Variants in SHISA9 observed in about 807,000 individuals in gnomAD.
SHISA9 encodes shisa family member 9, also known as protein shisa-9.
In SHISA9, 13 loss-of-function variants were observed where a neutral mutation model predicts 38.0. The ratio of observed to expected loss-of-function variants is 0.34; its 90% confidence interval spans 0.22 to 0.54. The LOEUF is 0.54. Among genes scored for constraint, SHISA9 ranks in the 20% least tolerant of loss-of-function variants. The pLI, the probability that SHISA9 is intolerant of heterozygous loss-of-function variation, is 0.91. For missense variants in SHISA9, 538 were observed against 575.8 expected (o/e 0.93, Z 0.67); for synonymous variants, 275 against 242.0 (o/e 1.14, Z -1.27).
the SHISA9 span, among the ~76,000 whole-genome samples, chr16:13,264,415 C>T: frequency 1.6e-4 from 24 of 152,176 alleles, no homozygotes; most frequent in African/African-American, 5.5e-4. Context: ...TCAAGTGATT[C>T]GCCCCCCTCG....
chr16:12,938,682 T>TA (rs1250594979), intron 2 of SHISA9, among the ~76,000 whole-genome samples: 1 of 152,034 alleles, frequency 6.6e-6, no homozygotes, highest in African/African-American at 2.4e-5. Context: ...TTTGTATTTT[T>TA]AGTAGAGAGG....
the SHISA9 span, among the ~76,000 whole-genome samples, chr16:13,540,447 G>C: frequency 2.0e-5 from 3 of 152,102 alleles, no homozygotes; most frequent in African/African-American, 7.2e-5. Flanking sequence ...CCCATCACAG[G>C]GATAGCTCCG....
At chr16:13,387,261 G>C in the SHISA9 span, among the ~76,000 whole-genome samples, 1 of 152,234 alleles carries the variant, frequency 6.6e-6, no homozygotes, top group Non-Finnish European at 1.5e-5. Context: ...AAATAGAATT[G>C]TTGTAAACAG....
At chr16:13,191,419 T>C (rs904320059) in intron 2 of SHISA9, among the ~76,000 whole-genome samples, 1 of 152,236 alleles carries the variant, frequency 6.6e-6, no homozygotes, top group East Asian at 1.9e-4. Context: ...TTATGTTGTC[T>C]TGGCTTTCTA....
At chr16:13,125,180 A>G (rs1441549499) in intron 2 of SHISA9, among the ~76,000 whole-genome samples, 2 of 152,230 alleles carry the variant, frequency 1.3e-5, no homozygotes, top group African/African-American at 4.8e-5. Context: ...TGAAGAGACC[A>G]CCCAGAGAAT....
At chr16:13,416,370 C>T in the SHISA9 span, among the ~76,000 whole-genome samples, 260 of 152,288 alleles carry the variant, frequency 1.7e-3, no homozygotes, top group African/African-American at 5.9e-3. Context: ...TATCTTACCC[C>T]TGACCATATA....
chr16:13,318,628 C>T, the SHISA9 span, among the ~76,000 whole-genome samples: 6 of 152,230 alleles, frequency 3.9e-5, no homozygotes, highest in African/African-American at 1.2e-4. Context: ...GCCCTCCAGA[C>T]GTTTCTAAAT....
At chr16:13,087,957 C>T (rs920519986) in intron 2 of SHISA9, among the ~76,000 whole-genome samples, 8 of 152,122 alleles carry the variant, frequency 5.3e-5, no homozygotes, top group African/African-American at 1.9e-4. Flanking sequence ...GGTTTTAGGT[C>T]TAACATTTAA....
chr16:12,916,755 A>T lies in SHISA9; in HGVS notation c.631A>T (p.Ile211Phe), dbSNP rs2071263958. ...TGATCACATGGAGAGAGACCTAAAC[A>T]TCGTTGTCCACGTCCAGCATTATGA... ...NTDHMERDLN[I>F]VVHVQHYENM... The change falls in exon 2 of 5, where the codon ATC becomes TTC. Residue 211 changes from isoleucine (I) to phenylalanine (F), a missense_variant. This residue lies in a region of SHISA9 where 326 missense variants were observed against 305.9 expected (regional missense o/e 1.07). Coordinates refer to ENST00000558583, the MANE Select transcript of SHISA9 (RefSeq NM_001145204.3). 6.4e-7 allele frequency: 1 copy of T among 1,552,128 alleles called. No individual in the cohort carries two copies. The highest frequency in any genetic ancestry group is 8.7e-7 in the Non-Finnish European group (1 of 1,147,084).
the SHISA9 span, among the ~76,000 whole-genome samples, chr16:13,507,291 G>A: frequency 6.6e-6 from 1 of 152,068 alleles, no homozygotes; most frequent in African/African-American, 2.4e-5. Context: ...CCCAAATGGC[G>A]AGGAACAGAG....
At chr16:12,962,872 G>A (rs1420891896) in intron 2 of SHISA9, among the ~76,000 whole-genome samples, 1 of 152,192 alleles carries the variant, frequency 6.6e-6, no homozygotes, top group Non-Finnish European at 1.5e-5. Flanking sequence ...AGGGGTAGCT[G>A]TGTGACCACT....
the SHISA9 span, among the ~76,000 whole-genome samples, chr16:13,310,873 G>C: frequency 6.6e-6 from 1 of 151,760 alleles, no homozygotes; most frequent in Non-Finnish European, 1.5e-5. Flanking sequence ...TAGTAGAGAC[G>C]GGGTTTCATC....
intron 2 of SHISA9, among the ~76,000 whole-genome samples, chr16:13,125,321 CACTGATTTTTCTGATGGCAACTTCCCT>C (rs1348725791): frequency 6.6e-6 from 1 of 152,022 alleles, no homozygotes; most frequent in Non-Finnish European, 1.5e-5. Flanking sequence ...GAATAGACAC[CACTGATTTTTCTGATGGCAACTTCCCT>C]AATGGGATGA....
chr16:13,267,614 A>G, the SHISA9 span, among the ~76,000 whole-genome samples: 1 of 152,194 alleles, frequency 6.6e-6, no homozygotes, highest in East Asian at 1.9e-4. Context: ...TATAATGTTG[A>G]AAAGGAGGAT....
chr16:13,286,955 G>T, the SHISA9 span, among the ~76,000 whole-genome samples: 1 of 152,072 alleles, frequency 6.6e-6, no homozygotes, highest in African/African-American at 2.4e-5. Flanking sequence ...CCAGGCAAAT[G>T]GAGTGTGGGT....
chr16:12,909,404 G>C, intron 1 of SHISA9: 1 of 985,456 alleles, frequency 1.0e-6, no homozygotes, highest in Non-Finnish European at 1.2e-6. Flanking sequence ...CTCTATTCAA[G>C]TGTTTAAAAG....
the SHISA9 span, among the ~76,000 whole-genome samples, chr16:13,534,997 C>A: frequency 2.6e-5 from 4 of 152,164 alleles, no homozygotes; most frequent in African/African-American, 9.7e-5. Flanking sequence ...GTAATCCCAG[C>A]ACCTTCAGAG....
chr16:13,106,322 A>C (rs143850425), intron 2 of SHISA9, among the ~76,000 whole-genome samples: 1 of 152,162 alleles, frequency 6.6e-6, no homozygotes, highest in Non-Finnish European at 1.5e-5. Context: ...CCTGATGTAC[A>C]GTAGCAAATT....
chr16:13,293,230 C>T, the SHISA9 span, among the ~76,000 whole-genome samples: 2 of 152,170 alleles, frequency 1.3e-5, no homozygotes, highest in Non-Finnish European at 2.9e-5. Flanking sequence ...ATCTGACCCA[C>T]AACACACGCA....
Sources: allele counts gnomAD v4.1 joint callset (sites outside exome capture counted in the v4.1 genomes callset), GRCh38; gene constraint gnomAD v4.1.1; regional missense constraint gnomAD v4.1.1; transcripts MANE v1.5; gene names NCBI Gene and HGNC (gene_info 2026-07-23, HGNC 2026-07-21).